EIF4G3: variants seen among roughly 807,000 people sequenced by gnomAD.
EIF4G3 encodes eukaryotic translation initiation factor 4 gamma 3.
A neutral mutation model predicts 186.4 loss-of-function variants in EIF4G3; 34 were observed. That is an observed-to-expected ratio of 0.18 (90% CI 0.14 to 0.24). EIF4G3 has a LOEUF of 0.24. Among genes scored for constraint, EIF4G3 ranks in the 10% least tolerant of loss-of-function variants. The pLI, the probability that EIF4G3 is intolerant of heterozygous loss-of-function variation, is 1.00. For synonymous variants in EIF4G3, 673 were observed against 679.5 expected, an observed-to-expected ratio of 0.99 and a Z score of 0.15; for missense variants, 1,536 against 1,948.5, an observed-to-expected ratio of 0.79 and a Z score of 3.99.
chr1:20,906,855 C>G (rs1478288752), intron 14 of EIF4G3, among the ~76,000 whole-genome samples: 1 of 151,646 alleles, frequency 6.6e-6, no homozygotes, highest in African/African-American at 2.4e-5. Flanking sequence ...CCCCTAATGC[C>G]CAGTGAGGTT....
rs753347630 is a variant in EIF4G3, at chr1:20,864,701, C to T, written c.2781G>A (p.Arg927=). ...ELEAASAPEE[R]TRLHDELEEA... is the part of the protein sequence containing the mutation. ...CTTCCAGTTCATCATGAAGCCTTGTCCTCTCCTCTGGCTGTTGTGTAAGGA... is the reference window on the plus strand; with the variant it reads ...CTTCCAGTTCATCATGAAGCCTTGTTCTCTCCTCTGGCTGTTGTGTAAGGA... The change falls in exon 22 of 37, where the codon AGG becomes AGA. Residue 927 remains arginine (R), a synonymous_variant. Coordinates refer to ENST00000602326, the MANE Select transcript of EIF4G3 (RefSeq NM_001391906.1). The T allele has an allele frequency of 2.5e-6, 4 of 1,613,920 alleles. No homozygotes were observed. Among genetic ancestry groups the T allele is most frequent in the Middle Eastern group, 1.6e-4 (1 of 6,062 alleles).
At chr1:21,063,323 A>T (rs1428727303) in intron 3 of EIF4G3, among the ~76,000 whole-genome samples, 1 of 152,168 alleles carries the variant, frequency 6.6e-6, no homozygotes, top group Non-Finnish European at 1.5e-5. Context: ...GAGAACAACA[A>T]GGGTTCAGAT....
At position 21,176,360 on chromosome 1, in the gene EIF4G3, T is replaced by G; in HGVS notation, c.-455-2A>C. 1 of 253,078 alleles carries G rather than the reference T, an allele frequency of 4.0e-6. No individual in the cohort carries two copies. The highest frequency in any genetic ancestry group is 7.3e-6 in the Non-Finnish European group (1 of 137,502). The allele number at this position is 253,078 out of a possible 1,614,324, so 15.7% of individuals were successfully genotyped here. On this transcript the variant is annotated splice_acceptor_variant, in intron 1 of 36. Coordinates refer to ENST00000602326, the MANE Select transcript of EIF4G3 (RefSeq NM_001391906.1). LOFTEE classifies it low-confidence loss of function (5UTR_SPLICE). ...CGGTTCCTGCTGCAGTCGCTGTGCC[T>G]GATTTCAGAGCCGGTTTCTGCGGTA...
intron 4 of EIF4G3, among the ~76,000 whole-genome samples, chr1:21,017,679 T>C (rs2089586135): frequency 7.0e-6 from 1 of 142,596 alleles, no homozygotes; most frequent in South Asian, 2.3e-4. Context: ...TTAATCCAAA[T>C]GCTCCAAAAT....
intron 17 of EIF4G3, among the ~76,000 whole-genome samples, chr1:20,894,990 A>G (rs1287752195): frequency 6.6e-6 from 1 of 152,184 alleles, no homozygotes; most frequent in Non-Finnish European, 1.5e-5. Flanking sequence ...TAGATTTCTG[A>G]CCTGTCTTCA....
intron 33 of EIF4G3, among the ~76,000 whole-genome samples, chr1:20,823,173 T>C (rs1444982422): frequency 3.3e-5 from 5 of 152,242 alleles, no homozygotes; most frequent in African/African-American, 4.8e-5. Flanking sequence ...GCTTTCATTA[T>C]AGATTTGTAT....
rs887681776 is a variant in EIF4G3 at position 21,052,752 on chromosome 1, C to T, written c.-195-1758G>A. On this transcript the variant is annotated intron_variant, in intron 3 of 36. Transcript: ENST00000602326. ...CGCGCCGCCACGCCTGACTGGTTCT[C>T]GTATTTTTTTGGTGGAGACGGGGTT... 3.9e-4 allele frequency among the ~76,000 whole-genome samples: 60 copies of T among 152,332 alleles called. No homozygotes were observed. In the East Asian group the frequency reaches 5.4e-3, roughly 14 times the overall value.
chr1:20,898,532 TTATTA>T (rs2089211855), intron 16 of EIF4G3, among the ~76,000 whole-genome samples: 1 of 152,132 alleles, frequency 6.6e-6, no homozygotes. Flanking sequence ...CTGACATTTT[TTATTA>T]TATTATCCTT....
chr1:21,115,558 A>G (rs572878245), intron 2 of EIF4G3, among the ~76,000 whole-genome samples: 13 of 152,350 alleles, frequency 8.5e-5, no homozygotes, highest in Admixed American at 7.2e-4. Flanking sequence ...TGTGAAGTGC[A>G]ACAGACTGAG....
At chr1:20,850,251 G>C (rs1392189207) in intron 28 of EIF4G3, among the ~76,000 whole-genome samples, 2 of 152,104 alleles carry the variant, frequency 1.3e-5, no homozygotes, top group African/African-American at 4.8e-5. Flanking sequence ...AAATGAACCA[G>C]ACAATAAAAA....
chr1:20,830,086 A>G (rs1055255155), intron 30 of EIF4G3, among the ~76,000 whole-genome samples: 1 of 152,254 alleles, frequency 6.6e-6, no homozygotes, highest in Non-Finnish European at 1.5e-5. Flanking sequence ...AGACATACAC[A>G]TAATTGCAAG....
chr1:20,974,207 T>C (rs570456422), intron 10 of EIF4G3, among the ~76,000 whole-genome samples: 80 of 152,310 alleles, frequency 5.3e-4, no homozygotes, highest in Non-Finnish European at 8.7e-4. Context: ...AGGATAGGTA[T>C]GAGTTACAGT....
intron 3 of EIF4G3, among the ~76,000 whole-genome samples, chr1:21,087,000 T>C (rs1267402629): frequency 6.6e-6 from 1 of 151,582 alleles, no homozygotes; most frequent in African/African-American, 2.4e-5. Context: ...TCTGAAATTA[T>C]ATGTAAACAC....
intron 30 of EIF4G3, among the ~76,000 whole-genome samples, chr1:20,837,744 C>T (rs2067186158): frequency 6.6e-6 from 1 of 151,948 alleles, no homozygotes; most frequent in Non-Finnish European, 1.5e-5. Flanking sequence ...ACAGTATGAA[C>T]CATTTATAAC....
intron 4 of EIF4G3, among the ~76,000 whole-genome samples, chr1:21,016,990 A>G (rs1325383313): frequency 6.6e-6 from 1 of 152,138 alleles, no homozygotes; most frequent in Non-Finnish European, 1.5e-5. Flanking sequence ...AAAACGAAAC[A>G]AAACAATAAA....
At chr1:20,940,587 A>G (rs556740056) in intron 14 of EIF4G3, among the ~76,000 whole-genome samples, 6 of 152,214 alleles carry the variant, frequency 3.9e-5, no homozygotes, top group Non-Finnish European at 8.8e-5. Context: ...TCAAGGATCA[A>G]CTGCTGGAGG....
chr1:21,038,208 A>ATAC (rs2093350102), intron 4 of EIF4G3, among the ~76,000 whole-genome samples: 1 of 152,190 alleles, frequency 6.6e-6, no homozygotes, highest in Non-Finnish European at 1.5e-5. Context: ...AAAAGCAACT[A>ATAC]TACTATTCAA....
intron 14 of EIF4G3, among the ~76,000 whole-genome samples, chr1:20,924,332 A>G (rs916865563): frequency 3.9e-5 from 6 of 152,218 alleles, no homozygotes; most frequent in African/African-American, 1.4e-4. Flanking sequence ...TCTGCACTCT[A>G]ATGAAAACAT....
chr1:21,144,698 G>A (rs1392881933), intron 2 of EIF4G3, among the ~76,000 whole-genome samples: 1 of 152,116 alleles, frequency 6.6e-6, no homozygotes, highest in Non-Finnish European at 1.5e-5. Context: ...AGGTCATAAA[G>A]TAAATTTTAA....
Sources: allele counts gnomAD v4.1 joint callset (sites outside exome capture counted in the v4.1 genomes callset), GRCh38; gene constraint gnomAD v4.1.1; transcripts MANE v1.5; gene names NCBI Gene and HGNC (gene_info 2026-07-23, HGNC 2026-07-21).